Variants in TMED3 observed in about 807,000 individuals in gnomAD.
The protein encoded by TMED3 is transmembrane p24 trafficking protein 3.
In TMED3, 9 loss-of-function variants were observed where a neutral mutation model predicts 15.0. The ratio of observed to expected loss-of-function variants is 0.60; its 90% CI spans 0.36 to 1.04. The LOEUF is 1.04. Ranked by LOEUF, TMED3 falls within the 50% of genes least tolerant of loss-of-function variation. TMED3 has a pLI of 0.01. For missense variants in TMED3, 267 were observed against 278.9 expected, an observed-to-expected ratio of 0.96 and a Z score of 0.30; for synonymous variants, 117 against 121.4, an observed-to-expected ratio of 0.96 and a Z score of 0.24.
intron 2 of TMED3, among the ~76,000 whole-genome samples, chr15:79,341,330 T>A (rs8031422): frequency 0.092 from 13,900 of 151,688 alleles, 680 homozygotes; most frequent in Admixed American, 0.12. Flanking sequence ...GCAAGGACTT[T>A]GGCTGGGCTG....
rs955809892 is a variant in TMED3 at position 79,322,800 on chromosome 15, CTG to C, written c.*589_*590del. 1.0e-6 allele frequency: 1 copy of C among 985,470 alleles called. No individual in the cohort carries two copies. The highest frequency in any genetic ancestry group is 1.2e-6 in the Non-Finnish European group (1 of 830,062). The allele number at this position is 985,470 out of a possible 1,614,324, so 61.0% of individuals were successfully genotyped here. A position where few individuals can be genotyped will look rare whatever the true frequency, so the allele number is the denominator to read the frequency against. On this transcript the variant is annotated 3_prime_UTR_variant, in exon 3 of 3. Transcript: ENST00000299705. ...TGTGTATTTCCTAGGAGGTAGAAAACTGTGGGAAACTGTGGCTAATAAAAACT... is the reference window on the plus strand; with the variant it reads ...TGTGTATTTCCTAGGAGGTAGAAAACTGGGAAACTGTGGCTAATAAAAACT...
chr15:79,383,175 T>C (rs1244903271), intron 2 of TMED3: 12 of 694,318 alleles, frequency 1.7e-5, no homozygotes, highest in Non-Finnish European at 2.7e-5. Context: ...GCACCAGTTA[T>C]TGCTTACGTG....
intron 2 of TMED3, chr15:79,383,761 C>T (rs757809415): frequency 6.6e-6 from 1 of 152,228 alleles, no homozygotes; most frequent in Non-Finnish European, 1.5e-5. Context: ...GTCCAAGGAC[C>T]TCACCATAAA....
At chr15:79,348,559 C>G (rs1047628283) in intron 2 of TMED3, among the ~76,000 whole-genome samples, 2 of 152,196 alleles carry the variant, frequency 1.3e-5, no homozygotes, top group Admixed American at 6.5e-5. Context: ...AGATAGTGCT[C>G]TGTGTAATGG....
At chr15:79,353,415 T>G (rs1280217139) in intron 2 of TMED3, among the ~76,000 whole-genome samples, 1 of 135,324 alleles carries the variant, frequency 7.4e-6, no homozygotes, top group Non-Finnish European at 1.5e-5. Flanking sequence ...TATATATATA[T>G]AAAAATCAAT....
chr15:79,318,504 A>G (rs916443293), intron 2 of TMED3, among the ~76,000 whole-genome samples: 1 of 152,178 alleles, frequency 6.6e-6, no homozygotes, highest in Non-Finnish European at 1.5e-5. Context: ...CCCACCTTCA[A>G]TCCTTTGTGA....
intron 2 of TMED3, among the ~76,000 whole-genome samples, chr15:79,408,257 T>G (rs951951): frequency 3.3e-5 from 5 of 151,956 alleles, no homozygotes; most frequent in Non-Finnish European, 5.9e-5. Context: ...CAGGCCCTGC[T>G]TAGAGGGCTG....
chr15:79,410,921 G>A (rs75698868), intron 2 of TMED3, among the ~76,000 whole-genome samples: 1,840 of 152,124 alleles, frequency 0.012, 12 homozygotes, highest in Middle Eastern at 0.041. Context: ...ACATCTATAC[G>A]ATAGTGTTTT....
intron 2 of TMED3, among the ~76,000 whole-genome samples, chr15:79,337,507 G>T (rs549579887): frequency 4.4e-4 from 67 of 152,330 alleles, no homozygotes; most frequent in African/African-American, 1.5e-3. Context: ...ATAACAGACA[G>T]TGTTAGATAA....
intron 2 of TMED3, among the ~76,000 whole-genome samples, chr15:79,356,649 G>T (rs892593825): frequency 6.6e-6 from 1 of 152,208 alleles, no homozygotes; most frequent in Non-Finnish European, 1.5e-5. Flanking sequence ...AGGATGGAGA[G>T]TGTCAGGGGA....
intron 2 of TMED3, among the ~76,000 whole-genome samples, chr15:79,389,472 A>G (rs1010932974): frequency 6.6e-6 from 1 of 152,028 alleles, no homozygotes; most frequent in African/African-American, 2.4e-5. Context: ...TACCAGTACC[A>G]TGTTATTTTT....
At chr15:79,340,563 C>T (rs1326005013) in intron 2 of TMED3, among the ~76,000 whole-genome samples, 3 of 152,192 alleles carry the variant, frequency 2.0e-5, no homozygotes, top group African/African-American at 7.2e-5. Context: ...ATTCGTTATG[C>T]AGCAAAAGAT....
chr15:79,367,375 T>A (rs1297238995), intron 2 of TMED3, among the ~76,000 whole-genome samples: 2 of 151,582 alleles, frequency 1.3e-5, no homozygotes, highest in African/African-American at 4.9e-5. Flanking sequence ...GAAAGGGAGG[T>A]TTTTATTTGT....
At position 79,311,470 on chromosome 15, in the gene TMED3, C is replaced by T. The variant is rs959034349; in HGVS notation, c.168+53C>T. The T allele has an allele frequency of 6.4e-6, 10 of 1,554,834 alleles. 1 individual carries two copies. In the Admixed American group the frequency reaches 1.6e-4, roughly 25 times the overall value. On this transcript the variant is annotated intron_variant, in intron 1 of 2. Coordinates refer to ENST00000299705, the MANE Select transcript of TMED3 (RefSeq NM_007364.4). The stretch of plus-strand genomic sequence containing the variant: ...CTTCTCCCTCCACTCCCAGGTCTCA[C>T]CTGGACACTGGCTAGCCCCTGACTG...
intron 2 of TMED3, among the ~76,000 whole-genome samples, chr15:79,354,501 C>T (rs899265131): frequency 6.6e-6 from 1 of 152,000 alleles, no homozygotes; most frequent in Non-Finnish European, 1.5e-5. Context: ...TAGTCTTCTT[C>T]TATGGATTCT....
At chr15:79,364,562 C>T (rs922001536) in intron 2 of TMED3, among the ~76,000 whole-genome samples, 1 of 151,844 alleles carries the variant, frequency 6.6e-6, no homozygotes, top group Non-Finnish European at 1.5e-5. Flanking sequence ...GTCTTTTGGC[C>T]TGCCATGCCC....
intron 2 of TMED3, chr15:79,314,662 A>G (rs991387888): frequency 1.2e-5 from 5 of 410,918 alleles, no homozygotes; most frequent in Non-Finnish European, 2.5e-5. Context: ...ATGGGTGAGA[A>G]CTTAGTCATG....
chr15:79,409,533 A>G (rs1020128914), intron 2 of TMED3, among the ~76,000 whole-genome samples: 18 of 152,306 alleles, frequency 1.2e-4, no homozygotes, highest in African/African-American at 2.2e-4. Context: ...TTGCTGGACA[A>G]TTGTTTCCCA....
chr15:79,360,522 T>A (rs896035563), intron 2 of TMED3, among the ~76,000 whole-genome samples: 4 of 152,244 alleles, frequency 2.6e-5, no homozygotes, highest in African/African-American at 9.6e-5. Context: ...GGACTTTTGC[T>A]ATTGCAGGCA....
Sources: gnomAD v4.1 joint callset for allele counts (sites outside exome capture counted in the v4.1 genomes callset) on GRCh38, gnomAD v4.1.1 for gene constraint, MANE v1.5 for transcripts, NCBI Gene and HGNC (gene_info 2026-07-23, HGNC 2026-07-21) for gene names.